The following CSMD3 variants were observed in gnomAD, a reference collection of about 807,000 sequenced individuals.
CSMD3 encodes the protein CUB and Sushi multiple domains 3.
Under a neutral mutation model 435.2 loss-of-function variants are expected in CSMD3, and 177 were observed. The observed-to-expected ratio is 0.41, with a 90% confidence interval of 0.36 to 0.46. The LOEUF is 0.46. Ranked by LOEUF, CSMD3 falls within the 20% of genes least tolerant of loss-of-function variation. CSMD3 has a pLI of 0.34. For missense variants in CSMD3, 4,265 were observed against 4,504.6 expected, an observed-to-expected ratio of 0.95 and a Z score of 1.52; for synonymous variants, 1,656 against 1,520.5, an observed-to-expected ratio of 1.09 and a Z score of -2.07.
chr8:112,475,861 C>T (rs185951309), intron 31 of CSMD3, among the ~76,000 whole-genome samples: 3 of 152,120 alleles, frequency 2.0e-5, no homozygotes, highest in African/African-American at 7.2e-5. Context: ...CAAGTCAGAC[C>T]TTTGGGTTCT....
chr8:113,182,017 T>C (rs757978991), intron 3 of CSMD3, among the ~76,000 whole-genome samples: 1 of 152,074 alleles, frequency 6.6e-6, no homozygotes, highest in Non-Finnish European at 1.5e-5. Context: ...GAAATGCCAC[T>C]GTATTTTAGC....
At chr8:112,287,391 T>C in intron 57 of CSMD3, 145 bp from the exon 58 acceptor site, 1 of 738,376 alleles carries the variant, frequency 1.4e-6, no homozygotes, top group South Asian at 1.5e-5. Flanking sequence ...ATATTTCTTA[T>C]CTGACTCCAG....
rs557009718 is a variant in CSMD3, at chr8:112,789,953, T to C, written c.1972+10209A>G. On this transcript the variant is annotated intron_variant, in intron 13 of 70. Transcript: ENST00000297405. ...TGACAGATATTTATTATTCATTCAT[T>C]ATTAGTTTTCTGCTTTAATACACAT... Among the ~76,000 whole-genome samples, 6 of 152,112 alleles carry C rather than the reference T, an allele frequency of 3.9e-5. No homozygotes were observed. The South Asian group carries it at 1.0e-3, about 26-fold the overall frequency.
chr8:113,353,588 T>C (rs947544093), intron 1 of CSMD3, among the ~76,000 whole-genome samples: 1 of 152,194 alleles, frequency 6.6e-6, no homozygotes, highest in East Asian at 1.9e-4. Flanking sequence ...CTGGTATTAT[T>C]CTATTCAAAG....
At chr8:113,103,798 CAAAAT>C (rs1403736566) in intron 4 of CSMD3, among the ~76,000 whole-genome samples, 3 of 151,760 alleles carry the variant, frequency 2.0e-5, no homozygotes, top group Non-Finnish European at 4.4e-5. Flanking sequence ...AGAAACATAA[CAAAAT>C]AAAATAAAGA....
chr8:113,026,410 A>C (rs759560725), intron 5 of CSMD3, among the ~76,000 whole-genome samples: 2 of 152,120 alleles, frequency 1.3e-5, no homozygotes, highest in Non-Finnish European at 2.9e-5. Context: ...GTAGTTCTCT[A>C]TTCATTGTTT....
At chr8:112,941,043 T>C (rs1027923030) in intron 9 of CSMD3, among the ~76,000 whole-genome samples, 2 of 151,576 alleles carry the variant, frequency 1.3e-5, no homozygotes, top group African/African-American at 4.8e-5. Context: ...AAAAATTGGG[T>C]ACTATAATGA....
In CSMD3 at chr8:112,405,213, CCATATATATATAT is replaced by C. The variant is rs1242878664; in HGVS notation, c.5809+1298_5809+1310del. Among the ~76,000 whole-genome samples, 10 of 17,894 alleles carry C rather than the reference CCATATATATATAT, an allele frequency of 5.6e-4. 1 individual carries two copies. The highest frequency in any genetic ancestry group is 0.036 in the Middle Eastern group (1 of 28). 11.7% of individuals were successfully genotyped at this position (17,894 alleles called of 152,430 possible). On this transcript the variant is annotated intron_variant, in intron 35 of 70. Transcript: ENST00000297405. Reference sequence around the variant, plus strand: ...AAAAAAAAAAAAAAAAAAAAAACCCCCATATATATATATATATATATATATATATATATACATA... The same window carrying C: ...AAAAAAAAAAAAAAAAAAAAAACCCCATATATATATATATATATATACATA...
Position 112,651,959 on chromosome 8 carries a change from C to A in CSMD3, c.3005-1610G>T, listed in dbSNP as rs185119830. ...CATGTATTATTTCTCTTACCCTATC[C>A]AAGGCCCTCATCACCTCAAGTTTAT... is the stretch of plus-strand genomic sequence containing the variant. On this transcript the variant is annotated intron_variant, in intron 18 of 70. Coordinates refer to ENST00000297405, the MANE Select transcript of CSMD3 (RefSeq NM_198123.2). 3.9e-5 allele frequency among the ~76,000 whole-genome samples: 6 copies of A among 152,276 alleles called. No homozygotes were observed. In the East Asian group the frequency reaches 9.6e-4, roughly 24 times the overall value.
chr8:113,018,240 T>C (rs1480389442), intron 6 of CSMD3, among the ~76,000 whole-genome samples: 1 of 152,044 alleles, frequency 6.6e-6, no homozygotes, highest in Non-Finnish European at 1.5e-5. Context: ...TTGAATTTTG[T>C]ATTCCAAAGA....
At chr8:112,275,920 G>A (rs1586623062) in intron 59 of CSMD3, among the ~76,000 whole-genome samples, 4 of 152,100 alleles carry the variant, frequency 2.6e-5, no homozygotes, top group Admixed American at 2.6e-4. Context: ...AACAAATCAT[G>A]CCTTCCCAAT....
rs1470960255 is a variant in CSMD3, at chr8:112,525,886, ATATATATATTTTATATATG to A, written c.4565-8680_4565-8662del. ...TAGTTTTTGTTTTTTATATATATAA[ATATATATATTTTATATATG>A]TATATATATTTTATATATATAAATA... On this transcript the variant is annotated intron_variant, in intron 27 of 70. Coordinates refer to ENST00000297405, the MANE Select transcript of CSMD3 (RefSeq NM_198123.2). Among the ~76,000 whole-genome samples, 809 of 142,630 alleles carry A rather than the reference ATATATATATTTTATATATG, an allele frequency of 5.7e-3. 4 individuals are homozygous for A. Among genetic ancestry groups the A allele is most frequent in the African/African-American group, 0.019 (729 of 39,178 alleles). 93.6% of individuals were successfully genotyped at this position (142,630 alleles called of 152,430 possible).
Position 112,344,863 on chromosome 8 carries a change from T to C in CSMD3, c.6442+1234A>G, listed in dbSNP as rs1033233153. On this transcript the variant is annotated intron_variant, in intron 41 of 70. Transcript: ENST00000297405. ...AAACCTAATATTTTAAAATTCATAC[T>C]ACTTTTTAAAAATAAAATCTGATTT... Among the ~76,000 whole-genome samples, 5 of 152,254 alleles carry C rather than the reference T, an allele frequency of 3.3e-5. No individual in the cohort carries two copies. The East Asian group carries it at 5.8e-4, about 18-fold the overall frequency.
At chr8:112,942,574 G>T (rs895232056) in intron 9 of CSMD3, among the ~76,000 whole-genome samples, 3 of 151,732 alleles carry the variant, frequency 2.0e-5, no homozygotes, top group Non-Finnish European at 2.9e-5. Context: ...TATGTATGAA[G>T]CTGGAGGCGA....
rs530383913 is a variant in CSMD3 at position 112,479,693 on chromosome 8, G to A, written c.5279-6986C>T. On this transcript the variant is annotated intron_variant, in intron 31 of 70. Transcript: ENST00000297405. ...CATAATCCTTGGCAGTTTTCACATGGTGTTAGGTCTGCAGATGCTCATAAT... is the reference window on the plus strand; with the variant it reads ...CATAATCCTTGGCAGTTTTCACATGATGTTAGGTCTGCAGATGCTCATAAT... Among the ~76,000 whole-genome samples the A allele has an allele frequency of 1.2e-3, 179 of 152,286 alleles. 1 individual carries two copies. The highest frequency in any genetic ancestry group is 0.01 in the Middle Eastern group (3 of 292).
intron 5 of CSMD3, among the ~76,000 whole-genome samples, chr8:113,059,997 T>TA (rs1196805979): frequency 2.4e-5 from 3 of 126,374 alleles, no homozygotes; most frequent in African/African-American, 7.9e-5. Context: ...ATTTATTTAT[T>TA]TTTTTTTTAT....
intron 1 of CSMD3, among the ~76,000 whole-genome samples, chr8:113,396,727 C>T (rs983273330): frequency 6.6e-6 from 1 of 152,116 alleles, no homozygotes; most frequent in Non-Finnish European, 1.5e-5. Flanking sequence ...TTTAAGGGAG[C>T]AACACAGAAG....
chr8:113,362,267 G>A (rs930392308), intron 1 of CSMD3, among the ~76,000 whole-genome samples: 1 of 152,024 alleles, frequency 6.6e-6, no homozygotes, highest in African/African-American at 2.4e-5. Context: ...ATTTGCCCAA[G>A]GGAAAAAGAA....
chr8:112,947,454 C>G (rs2083650065), intron 9 of CSMD3, among the ~76,000 whole-genome samples: 1 of 151,470 alleles, frequency 6.6e-6, no homozygotes, highest in African/African-American at 2.4e-5. Flanking sequence ...GAAACTCAGG[C>G]AAACAGGATA....
Sources: gnomAD v4.1 joint callset for allele counts (sites outside exome capture counted in the v4.1 genomes callset) on GRCh38, gnomAD v4.1.1 for gene constraint, MANE v1.5 for transcripts, NCBI Gene and HGNC (gene_info 2026-07-23, HGNC 2026-07-21) for gene names.